Variants in TRMT61B observed in about 807,000 individuals in gnomAD.
TRMT61B encodes tRNA (adenine(58)-N(1))-methyltransferase, mitochondrial.
A neutral mutation model predicts 52.0 loss-of-function variants in TRMT61B; 56 were observed. The ratio of observed to expected loss-of-function variants is 1.08; its 90% confidence interval spans 0.87 to 1.35. TRMT61B has a LOEUF of 1.35. Ranked by LOEUF, TRMT61B falls within the 40% of genes most tolerant of loss-of-function variation. The pLI, the probability that TRMT61B is intolerant of heterozygous loss-of-function variation, is 0.00. For synonymous variants in TRMT61B, 206 were observed against 220.0 expected (o/e 0.94, Z 0.56); for missense variants, 650 against 577.9 (o/e 1.12, Z -1.28).
In TRMT61B at chr2:28,869,833, T is replaced by C. The variant is rs1453625658; in HGVS notation, c.445A>G (p.Arg149Gly). Residue 149 changes from arginine (R) to glycine (G), a missense_variant, in exon 1 of 7, where the codon AGA becomes GGA. Physicochemically the swap from Arg to Gly is moderately radical, Grantham distance 125 (BLOSUM62 -2). Coordinates refer to ENST00000306108, the MANE Select transcript of TRMT61B (RefSeq NM_017910.4). ...ATCAGTTCCCCAGCCTGAAAGGGTCTCTCTCTGGAAGTTGAACAAGAAGGG... is the reference window on the plus strand; with the variant it reads ...ATCAGTTCCCCAGCCTGAAAGGGTCCCTCTCTGGAAGTTGAACAAGAAGGG... Reference protein sequence around the residue: ...VSPSCSTSRERPFQAGELILA... With the variant: ...VSPSCSTSREGPFQAGELILA... The C allele has an allele frequency of 3.1e-6, 5 of 1,614,006 alleles. No homozygotes were observed. The highest frequency in any genetic ancestry group is 4.2e-6 in the Non-Finnish European group (5 of 1,180,024).
chr2:28,850,702 C>A (rs946850590), intron 5 of TRMT61B: 1 of 319,690 alleles, frequency 3.1e-6, no homozygotes, highest in South Asian at 8.9e-5. Flanking sequence ...AAACTCAGTT[C>A]TTTCAAGAAT....
At chr2:28,867,779 C>T (rs921506186) in intron 1 of TRMT61B, among the ~76,000 whole-genome samples, 6 of 152,196 alleles carry the variant, frequency 3.9e-5, no homozygotes, top group Admixed American at 1.3e-4. Context: ...GATACCATGG[C>T]CAGGAGCGGT....
chr2:28,853,553 T>G (rs374896978), intron 3 of TRMT61B, among the ~76,000 whole-genome samples: 1 of 152,200 alleles, frequency 6.6e-6, no homozygotes, highest in Non-Finnish European at 1.5e-5. Context: ...ATTCACATTG[T>G]TGGCCAGAGG....
intron 3 of TRMT61B, among the ~76,000 whole-genome samples, chr2:28,860,917 C>G (rs901353115): frequency 7.2e-5 from 11 of 152,184 alleles, no homozygotes; most frequent in African/African-American, 2.7e-4. Context: ...ACAACTTCAG[C>G]ACCCAACTCG....
At chr2:28,866,249 C>G (rs1003704028) in intron 1 of TRMT61B, among the ~76,000 whole-genome samples, 4 of 152,084 alleles carry the variant, frequency 2.6e-5, no homozygotes, top group Non-Finnish European at 5.9e-5. Context: ...CCTCGGCCTC[C>G]TAAAGTGCTG....
rs1210707968 is a variant in TRMT61B at position 28,858,732 on chromosome 2, T to C, written c.993+2386A>G. Among the ~76,000 whole-genome samples the C allele has an allele frequency of 1.5e-4, 20 of 134,990 alleles. No individual in the cohort carries two copies. The Admixed American group carries it at 1.5e-3, about 10-fold the overall frequency. 88.6% of individuals were successfully genotyped at this position (134,990 alleles called of 152,430 possible). On this transcript the variant is annotated intron_variant, in intron 3 of 6. Coordinates refer to ENST00000306108, the MANE Select transcript of TRMT61B (RefSeq NM_017910.4). ...ATCGCTTGAACCCGGGAGGCGGAGGTTGCAGTGAGCCAAGATCATACCACT... is the reference window on the plus strand; with the variant it reads ...ATCGCTTGAACCCGGGAGGCGGAGGCTGCAGTGAGCCAAGATCATACCACT...
intron 3 of TRMT61B, among the ~76,000 whole-genome samples, chr2:28,856,773 T>G (rs944807631): frequency 1.2e-4 from 18 of 152,098 alleles, no homozygotes; most frequent in African/African-American, 4.3e-4. Flanking sequence ...TAGCTGGGAT[T>G]ACAGGCATGC....
intron 3 of TRMT61B, among the ~76,000 whole-genome samples, chr2:28,854,896 G>A (rs941934673): frequency 2.6e-5 from 4 of 152,034 alleles, no homozygotes; most frequent in Admixed American, 1.3e-4. Context: ...CTCCAGCCTG[G>A]GTGACAGGAT....
intron 3 of TRMT61B, among the ~76,000 whole-genome samples, chr2:28,860,279 A>T: frequency 1.5e-5 from 2 of 131,062 alleles, no homozygotes; most frequent in Non-Finnish European, 3.1e-5. Flanking sequence ...TGCCAAAAAA[A>T]AAAAAAAAAA....
At chr2:28,853,366 A>G (rs1041748773) in intron 3 of TRMT61B, among the ~76,000 whole-genome samples, 6 of 152,096 alleles carry the variant, frequency 3.9e-5, no homozygotes, top group Non-Finnish European at 8.8e-5. Context: ...ATGTAGATAC[A>G]GGTTTTGCCA....
At position 28,852,430 on chromosome 2, in the gene TRMT61B, C is replaced by T. The variant is rs1305467842; in HGVS notation, c.1063G>A (p.Val355Ile). 5 of 1,604,946 alleles carry T rather than the reference C, an allele frequency of 3.1e-6. No homozygotes were observed. Among genetic ancestry groups the T allele is most frequent in the African/African-American group, 1.3e-5 (1 of 74,302 alleles). Reference sequence around the variant, plus strand: ...CACTTTACTACATATACAGCACATACACCACCATGCTTAAGATGTGGGTAA... The same window carrying T: ...CACTTTACTACATATACAGCACATATACCACCATGCTTAAGATGTGGGTAA... ...VFYPHLKHGG[V>I]CAVYVVNITQ... is the part of the protein sequence containing the mutation. Residue 355 changes from valine (V) to isoleucine (I), a missense_variant, in exon 4 of 7, where the codon GTA (valine) becomes ATA (isoleucine). By Grantham distance (29) the Val-to-Ile change is conservative. Coordinates refer to ENST00000306108, the MANE Select transcript of TRMT61B (RefSeq NM_017910.4).
chr2:28,868,985 CAG>C (rs1482067857), intron 1 of TRMT61B, among the ~76,000 whole-genome samples: 1 of 152,086 alleles, frequency 6.6e-6, no homozygotes, highest in Non-Finnish European at 1.5e-5. Flanking sequence ...GCCTGGATGA[CAG>C]AGTGAGAACT....
intron 3 of TRMT61B, among the ~76,000 whole-genome samples, chr2:28,859,497 A>G (rs1158156271): frequency 6.6e-6 from 1 of 152,192 alleles, no homozygotes; most frequent in Non-Finnish European, 1.5e-5. Flanking sequence ...ATTATTCATG[A>G]TCTAGCTTCT....
intron 2 of TRMT61B, among the ~76,000 whole-genome samples, chr2:28,864,306 A>G (rs1669735392): frequency 6.6e-6 from 1 of 152,082 alleles, no homozygotes; most frequent in Non-Finnish European, 1.5e-5. Flanking sequence ...CAACAATAAC[A>G]TGACAAGTAC....
Position 28,865,743 on chromosome 2 carries a change from C to T in TRMT61B, c.700-624G>A, listed in dbSNP as rs544130123. On this transcript the variant is annotated intron_variant, in intron 1 of 6. Transcript: ENST00000306108. ...TCCCCCAGGCTGGAGTGTGATGGCA[C>T]GATCTTGGCTCACTGCAACCTCCGC... 1.4e-3 allele frequency among the ~76,000 whole-genome samples: 204 copies of T among 143,582 alleles called. 2 individuals carry two copies. Among genetic ancestry groups the T allele is most frequent in the Non-Finnish European group, 2.4e-3 (158 of 66,978 alleles). The allele number at this position is 143,582 out of a possible 152,430, so 94.2% of individuals were successfully genotyped here.
At position 28,868,903 on chromosome 2, in the gene TRMT61B, C is replaced by T. The variant is rs532291522; in HGVS notation, c.699+676G>A. On this transcript the variant is annotated intron_variant, in intron 1 of 6. Coordinates refer to ENST00000306108, the MANE Select transcript of TRMT61B (RefSeq NM_017910.4). ...CCTGTAGTCCCAGGTACTCAGGAGG[C>T]TGTGGTGGGAGAATCGCTTGAACCC... Among the ~76,000 whole-genome samples the T allele has an allele frequency of 7.9e-5, 12 of 152,166 alleles. No individual in the cohort carries two copies. The East Asian group carries it at 2.3e-3, about 29-fold the overall frequency.
rs367818482 is a variant in TRMT61B at position 28,849,823 on chromosome 2, T to C, written c.*376A>G. 4.5e-6 allele frequency: 6 copies of C among 1,337,476 alleles called. No homozygotes were observed. The highest frequency in any genetic ancestry group is 2.4e-5 in the East Asian group (1 of 42,508). 82.9% of individuals were successfully genotyped at this position (1,337,476 alleles called of 1,614,324 possible). On this transcript the variant is annotated 3_prime_UTR_variant, in exon 7 of 7. Coordinates refer to ENST00000306108, the MANE Select transcript of TRMT61B (RefSeq NM_017910.4). ...TTAAAATGGACAGATACATAAAATT[T>C]ATCTTAAAATGCATATTTTATTTCA...
Position 28,869,893 on chromosome 2 carries a change from G to A in TRMT61B, c.385C>T (p.Gln129Ter), listed in dbSNP as rs1251722589. 4 of 1,614,000 alleles carry A rather than the reference G, an allele frequency of 2.5e-6. No individual in the cohort carries two copies. Among genetic ancestry groups the A allele is most frequent in the Non-Finnish European group, 3.4e-6 (4 of 1,179,946 alleles). ...SEDPSMLSQAQSATEVEERHV... is the reference protein window; with the variant it reads ...SEDPSMLSQA ...CGCTCTTCGACCTCGGTAGCGGACT[G>A]GGCCTGCGAGAGCATCGAAGGATCC... Residue 129 changes from glutamine (Q) to a stop codon, truncating the protein, a stop_gained, in exon 1 of 7, where the codon CAG (glutamine) becomes TAG (stop). Coordinates refer to ENST00000306108, the MANE Select transcript of TRMT61B (RefSeq NM_017910.4). LOFTEE classifies it high-confidence loss of function.
chr2:28,860,721 CCT>C (rs1331351790), intron 3 of TRMT61B, among the ~76,000 whole-genome samples: 1 of 152,182 alleles, frequency 6.6e-6, no homozygotes, highest in Non-Finnish European at 1.5e-5. Context: ...ACTAAAGATG[CCT>C]TCTGCCTATT....
Sources: gnomAD v4.1 joint callset for allele counts (sites outside exome capture counted in the v4.1 genomes callset) on GRCh38, gnomAD v4.1.1 for gene constraint, MANE v1.5 for transcripts, NCBI Gene and HGNC (gene_info 2026-07-23, HGNC 2026-07-21) for gene names.